LOXL2: variants seen among roughly 807,000 people sequenced by gnomAD.
The protein encoded by LOXL2 is lysyl oxidase like 2.
Under a neutral mutation model 93.0 loss-of-function variants are expected in LOXL2, and 70 were observed. The ratio of observed to expected loss-of-function variants is 0.75; its 90% CI spans 0.62 to 0.92. LOXL2 has a LOEUF of 0.92. LOXL2 is among the 40% of genes least tolerant of loss of function. The pLI is 0.00. For missense variants in LOXL2, 973 were observed against 1,054.9 expected, an observed-to-expected ratio of 0.92 and a Z score of 1.08; for synonymous variants, 438 against 413.2, an observed-to-expected ratio of 1.06 and a Z score of -0.73.
chr8:23,360,291 C>G, intron 2 of LOXL2, 26 bp from the exon 3 acceptor site: 1 of 1,561,096 alleles, frequency 6.4e-7, no homozygotes, highest in Non-Finnish European at 8.8e-7. Context: ...AGGAGAGAAA[C>G]CAAGTGCTGC....
intron 1 of LOXL2, among the ~76,000 whole-genome samples, chr8:23,386,209 T>C (rs554633640): frequency 2.0e-3 from 302 of 152,310 alleles, no homozygotes; most frequent in Non-Finnish European, 3.3e-3. Flanking sequence ...CTGGCTAACA[T>C]GGTGAAATCC....
chr8:23,377,627 A>T (rs1333378279), intron 1 of LOXL2, among the ~76,000 whole-genome samples: 10 of 152,180 alleles, frequency 6.6e-5, no homozygotes, highest in Non-Finnish European at 1.2e-4. Flanking sequence ...GTGCTCCTGC[A>T]TTGGGTGCAT....
At chr8:23,374,190 A>C (rs975316698) in intron 1 of LOXL2, among the ~76,000 whole-genome samples, 2 of 147,366 alleles carry the variant, frequency 1.4e-5, no homozygotes, top group East Asian at 4.1e-4. Flanking sequence ...ATGAGTGACA[A>C]CATGTGGTGT....
chr8:23,300,965 T>C (rs1336129495), intron 12 of LOXL2, among the ~76,000 whole-genome samples: 3 of 152,218 alleles, frequency 2.0e-5, no homozygotes, highest in Non-Finnish European at 2.9e-5. Flanking sequence ...GGTTCTGGGC[T>C]TGTGGGTGGA....
chr8:23,360,623 T>C (rs6997194), intron 2 of LOXL2, among the ~76,000 whole-genome samples: 60,916 of 152,018 alleles, frequency 0.4, 12,710 homozygotes, highest in Admixed American at 0.48. Context: ...AAGGGCCCTT[T>C]TTCTTATCAG....
At position 23,322,180 on chromosome 8, in the gene LOXL2, C is replaced by T. The variant is rs1803507381; in HGVS notation, c.1252G>A (p.Glu418Lys). Residue 418 changes from glutamate to lysine, a missense_variant, in exon 7 of 14, where the codon GAG (glutamate) becomes AAG (lysine). Coordinates refer to ENST00000389131, the MANE Select transcript of LOXL2 (RefSeq NM_002318.3). ...GTGTTGCATCTCACACCAGCATCCT[C>T]CTCGTGGTTGCAGCCCTGAGACTCG... ...NAESQGCNHE[E>K]DAGVRCNTPA... 4 of 1,614,260 alleles carry T rather than the reference C, an allele frequency of 2.5e-6. No homozygotes were observed. The highest frequency in any genetic ancestry group is 3.4e-6 in the Non-Finnish European group (4 of 1,180,038).
intron 2 of LOXL2, chr8:23,366,043 A>AG (rs1357832002): frequency 2.6e-5 from 4 of 152,244 alleles, no homozygotes; most frequent in African/African-American, 9.6e-5. Context: ...TGCTCCTGAT[A>AG]GGGAAAAACC....
intron 9 of LOXL2, 112 bp downstream of exon 9, chr8:23,316,837 A>C (rs1585346889): frequency 9.2e-7 from 1 of 1,092,456 alleles, no homozygotes. Flanking sequence ...ATTTCATTCT[A>C]CCTTCCTCTA....
chr8:23,368,587 G>T lies in LOXL2; in HGVS notation c.-83-153C>A, dbSNP rs1804450764. On this transcript the variant is annotated intron_variant, in intron 1 of 13. Coordinates refer to ENST00000389131, the MANE Select transcript of LOXL2 (RefSeq NM_002318.3). ...CACTCCTACATTTCCACCATGCAGG[G>T]CTGGGAGGTCCCACCTCCTTTACCT... 2.0e-5 allele frequency among the ~76,000 whole-genome samples: 3 copies of T among 152,210 alleles called. No individual in the cohort carries two copies. In the South Asian group the frequency reaches 6.2e-4, roughly 32 times the overall value.
rs550627721 is a variant in LOXL2, at chr8:23,309,274, C to T, written c.1880+394G>A. On this transcript the variant is annotated intron_variant, in intron 10 of 13. Transcript: ENST00000389131. ...CTGGGATTACAGGCGTGAGCCACCG[C>T]GCCAGGCTGGGAATATTTCTAAAGG... Among the ~76,000 whole-genome samples the T allele has an allele frequency of 6.6e-5, 10 of 152,226 alleles. No homozygotes were observed. In the South Asian group the frequency reaches 1.5e-3, roughly 22 times the overall value.
intron 1 of LOXL2, among the ~76,000 whole-genome samples, chr8:23,376,020 T>C (rs957928769): frequency 6.6e-6 from 1 of 152,208 alleles, no homozygotes; most frequent in Non-Finnish European, 1.5e-5. Context: ...TTGTGCCAGT[T>C]TTCAAAGGGA....
rs67050683 is a variant in LOXL2, at chr8:23,385,244, CT to C, written c.-83-16811del. Among the ~76,000 whole-genome samples, 276 of 132,750 alleles carry C rather than the reference CT, an allele frequency of 2.1e-3. 1 individual carries two copies. Among genetic ancestry groups the C allele is most frequent in the Middle Eastern group, 0.016 (4 of 258 alleles). The allele number at this position is 132,750 out of a possible 152,430, so 87.1% of individuals were successfully genotyped here. A position where few individuals can be genotyped will look rare whatever the true frequency, so the allele number is the denominator to read the frequency against. On this transcript the variant is annotated intron_variant, in intron 1 of 13. Coordinates refer to ENST00000389131, the MANE Select transcript of LOXL2 (RefSeq NM_002318.3). ...TGGAAGAGAAAGTTGGATTTTTTTT[CT>C]TTTTTTTTTTTTTTTTGAGACAGAG... is the stretch of plus-strand genomic sequence containing the variant.
At chr8:23,319,569 A>AC (rs2117157268) in intron 8 of LOXL2, among the ~76,000 whole-genome samples, 2 of 152,100 alleles carry the variant, frequency 1.3e-5, no homozygotes, top group East Asian at 3.9e-4. Flanking sequence ...GCACATCAGG[A>AC]ACCCCCAGGA....
At chr8:23,346,594 C>T (rs553350159) in intron 3 of LOXL2, among the ~76,000 whole-genome samples, 6 of 152,300 alleles carry the variant, frequency 3.9e-5, no homozygotes, top group East Asian at 3.9e-4. Flanking sequence ...TTCCAGAATG[C>T]GATAGTCTGG....
chr8:23,377,991 G>A (rs1346430216), intron 1 of LOXL2, among the ~76,000 whole-genome samples: 1 of 152,172 alleles, frequency 6.6e-6, no homozygotes, highest in Non-Finnish European at 1.5e-5. Context: ...TATAATGTTA[G>A]CTGGTTATTT....
Position 23,297,424 on chromosome 8 carries a change from CTG to C in LOXL2, c.*617_*618del, listed in dbSNP as rs1395186913. The C allele has an allele frequency of 2.0e-5, 3 of 152,160 alleles. No individual in the cohort carries two copies. The highest frequency in any genetic ancestry group is 4.4e-5 in the Non-Finnish European group (3 of 68,062). 9.4% of individuals were successfully genotyped at this position (152,160 alleles called of 1,614,324 possible). A position where few individuals can be genotyped will look rare whatever the true frequency, so the allele number is the denominator to read the frequency against. ...GCCAATAAATTTGTGCTTCAAAAGT[CTG>C]TGAAAATATAATAATAGTATCTTGA... On this transcript the variant is annotated 3_prime_UTR_variant, in exon 14 of 14. Coordinates refer to ENST00000389131, the MANE Select transcript of LOXL2 (RefSeq NM_002318.3).
rs1329170502 is a variant in LOXL2, at chr8:23,298,046, C to G, written c.2322G>C (p.Gln774His). The part of the protein sequence containing the change: ...SGLLNNQLSP[Q>H] ...GGAGTTGACCACGCAGGCTTCTTTA[C>G]TGCGGGGACAGCTGGTTGTTTAAGA... Residue 774 changes from glutamine (Q) to histidine (H), a missense_variant, in exon 14 of 14, where the codon CAG becomes CAC. Coordinates refer to ENST00000389131, the MANE Select transcript of LOXL2 (RefSeq NM_002318.3). The G allele has an allele frequency of 6.2e-7, 1 of 1,613,610 alleles. No homozygotes were observed.
At chr8:23,390,102 C>T (rs887491046) in intron 1 of LOXL2, among the ~76,000 whole-genome samples, 3 of 152,174 alleles carry the variant, frequency 2.0e-5, no homozygotes, top group African/African-American at 7.2e-5. Flanking sequence ...GGGTCTCTCT[C>T]CTCCATCAGA....
At chr8:23,314,824 C>A (rs5006880) in intron 9 of LOXL2, among the ~76,000 whole-genome samples, 128,031 of 150,584 alleles carry the variant, frequency 0.85, 54,789 homozygotes, top group African/African-American at 0.94. Flanking sequence ...ATAAATAAAA[C>A]GAAAAAAGAA....
Sources: allele counts gnomAD v4.1 joint callset (sites outside exome capture counted in the v4.1 genomes callset), GRCh38; gene constraint gnomAD v4.1.1; transcripts MANE v1.5; gene names NCBI Gene and HGNC (gene_info 2026-07-23, HGNC 2026-07-21).